Variants in WFDC5 observed in about 807,000 individuals in gnomAD.
The protein encoded by WFDC5 is WAP four-disulfide core domain 5, also known as WAP four-disulfide core domain protein 5.
WFDC5 carries 15 observed loss-of-function variants against 15.7 expected under a neutral mutation model. The ratio of observed to expected loss-of-function variants is 0.96; its 90% confidence interval spans 0.64 to 1.47. WFDC5 has a LOEUF of 1.47. WFDC5 is among the 40% of genes most tolerant of loss of function. The pLI, the probability that WFDC5 is intolerant of heterozygous loss-of-function variation, is 0.00. For missense variants in WFDC5, 280 were observed against 258.0 expected (o/e 1.09, Z -0.59); for synonymous variants, 109 against 107.7 (o/e 1.01, Z -0.07).
chr20:45,109,721 G>C, exon 4 of WFDC5: 1 of 716,654 alleles, frequency 1.4e-6, no homozygotes, highest in Non-Finnish European at 2.6e-6. Context: ...GTACGGATTG[G>C]TGTGAAAGCG....
At chr20:45,110,735 G>A (rs1394261867) in exon 2 of WFDC5, 3 of 1,614,054 alleles carry the variant, frequency 1.9e-6, no homozygotes, top group African/African-American at 2.7e-5. Flanking sequence ...GCACCGATAG[G>A]AGGCAGGGCC....
At chr20:45,115,032 G>T in exon 1 of WFDC5, 1 of 1,613,676 alleles carries the variant, frequency 6.2e-7, no homozygotes, top group South Asian at 1.1e-5. Context: ...GCAGGCAGCT[G>T]ACTCCCCACA....
chr20:45,115,359 G>A (rs1318040006), upstream of WFDC5, among the ~76,000 whole-genome samples: 1 of 152,206 alleles, frequency 6.6e-6, no homozygotes, highest in Non-Finnish European at 1.5e-5. Context: ...GGCAAGTCTT[G>A]TCTCTCTGGG....
rs112248539 is a variant in WFDC5 at position 45,111,336 on chromosome 20, T to C, written c.86-561A>G. Among the ~76,000 whole-genome samples the C allele has an allele frequency of 3.7e-3, 533 of 142,198 alleles. 4 individuals carry two copies. Among genetic ancestry groups the C allele is most frequent in the African/African-American group, 0.014 (520 of 37,346 alleles). The allele number at this position is 142,198 out of a possible 152,430, so 93.3% of individuals were successfully genotyped here. ...CATTTCTTTCCTCCAGAGTTTGTGA[T>C]GCTGCATCTGTTTGTCTGTGTCTCT... On this transcript the variant is annotated intron_variant, in intron 1 of 3. Coordinates refer to ENST00000307971, the Ensembl canonical transcript of WFDC5.
At chr20:45,110,717 C>G (rs758411272) in exon 2 of WFDC5, 1 of 1,614,202 alleles carries the variant, frequency 6.2e-7, no homozygotes, top group South Asian at 1.1e-5. Flanking sequence ...CTTCCACGCA[C>G]TGGTCAGGCA....
At position 45,110,620 on chromosome 20, in the gene WFDC5, A is replaced by C. The variant is rs772177925; in HGVS notation, c.226+15T>G. 1.4e-5 allele frequency: 23 copies of C among 1,613,874 alleles called. 1 individual carries two copies. In the South Asian group the frequency reaches 2.5e-4, roughly 18 times the overall value. ...GGGGCTTGGATGGTCAGCAAGGTGG[A>C]GGGGAGGCATTTACCAGAGACCCTG... On this transcript the variant is annotated intron_variant, in intron 2 of 3. Transcript: ENST00000307971.
intron 1 of WFDC5, 64 bp from the exon 2 acceptor site, chr20:45,110,839 C>A (rs1222525384): frequency 1.3e-5 from 20 of 1,594,176 alleles, no homozygotes; most frequent in Non-Finnish European, 1.5e-5. Flanking sequence ...AAGCGCTGAC[C>A]TGGGAATGAC....
intron 1 of WFDC5, among the ~76,000 whole-genome samples, chr20:45,112,660 C>T (rs933294687): frequency 3.9e-5 from 6 of 152,176 alleles, no homozygotes; most frequent in Non-Finnish European, 5.9e-5. Flanking sequence ...TAAATATATA[C>T]ACTTGTACAC....
chr20:45,109,497 G>T, exon 4 of WFDC5: 2 of 510,776 alleles, frequency 3.9e-6, no homozygotes, highest in Non-Finnish European at 7.0e-6. Flanking sequence ...ATATACAAAA[G>T]TGAGCCATTT....
upstream of WFDC5, chr20:45,115,176 G>A (rs1981728268): frequency 2.3e-6 from 3 of 1,278,134 alleles, no homozygotes; most frequent in African/African-American, 1.5e-5. Flanking sequence ...AGGAAAGAGA[G>A]GGGGTGTGGA....
At chr20:45,114,858 C>T in intron 1 of WFDC5, 141 bp downstream of exon 1, 2 of 803,742 alleles carry the variant, frequency 2.5e-6, no homozygotes, top group Non-Finnish European at 3.9e-6. Context: ...CAGGCATCCA[C>T]ACATACACAC....
At chr20:45,109,878 G>T in exon 4 of WFDC5, 1 of 1,317,678 alleles carries the variant, frequency 7.6e-7, no homozygotes, top group Non-Finnish European at 1.1e-6. Context: ...GCAGGCCAGT[G>T]ATTATCAGAA....
upstream of WFDC5, among the ~76,000 whole-genome samples, chr20:45,115,382 C>T (rs1183717005): frequency 2.0e-5 from 3 of 152,172 alleles, no homozygotes; most frequent in Non-Finnish European, 2.9e-5. Context: ...TCAGTTTTTT[C>T]ATCTGTACAC....
intron 3 of WFDC5, 127 bp downstream of exon 3, chr20:45,110,273 C>T: frequency 6.8e-7 from 1 of 1,469,000 alleles, no homozygotes; most frequent in Middle Eastern, 2.4e-4. Context: ...TATCCAGTTT[C>T]CTAATCCTGG....
chr20:45,110,129 C>A, intron 3 of WFDC5, 116 bp from the exon 4 acceptor site: 1 of 1,420,868 alleles, frequency 7.0e-7, no homozygotes, highest in Non-Finnish European at 9.5e-7. Context: ...AGGCAGGATT[C>A]CTCTGCCCCC....
chr20:45,112,823 A>G (rs995126686), intron 1 of WFDC5, among the ~76,000 whole-genome samples: 1 of 152,188 alleles, frequency 6.6e-6, no homozygotes, highest in Non-Finnish European at 1.5e-5. Flanking sequence ...ACACATATAT[A>G]CATATGGACA....
exon 1 of WFDC5, chr20:45,115,033 A>G: frequency 6.2e-6 from 10 of 1,613,334 alleles, no homozygotes; most frequent in South Asian, 4.4e-5. Flanking sequence ...CAGGCAGCTG[A>G]CTCCCCACAG....
rs904569810 is a variant in WFDC5 at position 45,110,323 on chromosome 20, G to A, written c.393+51C>T. ...GACTTCTGGGGAGGCATCCTGTTAA[G>A]CTTGTAGCAATGAAGAAAGTATTAG... is the stretch of plus-strand genomic sequence containing the variant. On this transcript the variant is annotated intron_variant, in intron 3 of 3. Coordinates refer to ENST00000307971, the Ensembl canonical transcript of WFDC5. 9 of 1,536,228 alleles carry A rather than the reference G, an allele frequency of 5.9e-6. No homozygotes were observed. In the African/African-American group the frequency reaches 1.1e-4, roughly 19 times the overall value.
exon 4 of WFDC5, chr20:45,109,963 C>T (rs540781814): frequency 3.7e-6 from 6 of 1,614,080 alleles, no homozygotes; most frequent in African/African-American, 2.7e-5. Context: ...GAACTCTTTC[C>T]GTTGGTCCCC....
Sources: allele counts gnomAD v4.1 joint callset (sites outside exome capture counted in the v4.1 genomes callset), GRCh38; gene constraint gnomAD v4.1.1; transcripts MANE v1.5; gene names NCBI Gene and HGNC (gene_info 2026-07-23, HGNC 2026-07-21).